The following BBS12 variants were observed in gnomAD, a reference collection of about 807,000 sequenced individuals.
BBS12 encodes Bardet-Biedl syndrome 12.
A neutral mutation model predicts 5.6 loss-of-function variants in BBS12; 5 were observed. The ratio of observed to expected loss-of-function variants is 0.89; its 90% CI spans 0.46 to 1.86. BBS12 has a LOEUF of 1.86. BBS12 is among the 40% of genes most tolerant of loss of function. The pLI is 0.01. For synonymous variants in BBS12, 308 were observed against 306.8 expected (o/e 1.00, Z -0.04); for missense variants, 748 against 830.4 (o/e 0.90, Z 1.22).
chr4:122,707,377 A>C, the BBS12 span, among the ~76,000 whole-genome samples: 1 of 152,174 alleles, frequency 6.6e-6, no homozygotes, highest in East Asian at 1.9e-4. Context: ...ATTTAATAAA[A>C]TTTTTTAAAC....
intron 1 of BBS12, among the ~76,000 whole-genome samples, chr4:122,735,870 G>T (rs1238192076): frequency 6.6e-6 from 1 of 152,144 alleles, no homozygotes; most frequent in Non-Finnish European, 1.5e-5. Flanking sequence ...GAAAAAGAAA[G>T]TATAACAGAT....
intron 1 of BBS12, among the ~76,000 whole-genome samples, chr4:122,735,405 T>C (rs535056035): frequency 7.4e-4 from 113 of 152,306 alleles, no homozygotes; most frequent in African/African-American, 2.5e-3. Context: ...GTAAAGACTT[T>C]CTTTTTTAAG....
At chr4:122,718,551 C>G in the BBS12 span, among the ~76,000 whole-genome samples, 367 of 152,182 alleles carry the variant, frequency 2.4e-3, 3 homozygotes, top group African/African-American at 8.5e-3. Flanking sequence ...ACTCTACTCT[C>G]AACAGGACTT....
chr4:122,716,666 CATAT>C, the BBS12 span, among the ~76,000 whole-genome samples: 19,465 of 115,788 alleles, frequency 0.17, 2,719 homozygotes, highest in East Asian at 0.52. Flanking sequence ...TGCACATACA[CATAT>C]GTGTATATAT....
rs373652329 is a variant in BBS12 at position 122,743,282 on chromosome 4, T to C, written c.1390T>C (p.Cys464Arg). The C allele has an allele frequency of 1.2e-5, 19 of 1,614,084 alleles. No individual in the cohort carries two copies. In the Admixed American group the frequency reaches 3.2e-4, roughly 27 times the overall value. ...VAYITQVNED[C>R]VGDGVCVTFW... ...CTACATTACACAAGTGAATGAAGAT[T>C]GTGTGGGCGACGGGGTCTGCGTGAC... The change falls in exon 2 of 2, where the codon TGT becomes CGT. Residue 464 changes from cysteine to arginine, a missense_variant. Physicochemically the swap from Cys to Arg is radical, Grantham distance 180 (BLOSUM62 -3). Transcript: ENST00000314218.
intron 1 of BBS12, 125 bp downstream of exon 1, chr4:122,733,009 T>G (rs28465655): frequency 0.066 from 10,033 of 152,384 alleles, 1,124 homozygotes; most frequent in African/African-American, 0.22. Flanking sequence ...GGCCTGGAGG[T>G]CCTGGGGTGA....
chr4:122,723,307 A>T, the BBS12 span, among the ~76,000 whole-genome samples: 1 of 152,224 alleles, frequency 6.6e-6, no homozygotes, highest in Non-Finnish European at 1.5e-5. Context: ...TCTCTGAAAG[A>T]ATTAAAAATG....
the BBS12 span, among the ~76,000 whole-genome samples, chr4:122,708,331 A>G: frequency 6.6e-6 from 1 of 152,100 alleles, no homozygotes; most frequent in Non-Finnish European, 1.5e-5. Flanking sequence ...ACTTTTGGCC[A>G]CTTCATGAGC....
rs186713451 is a variant in BBS12 at position 122,743,908 on chromosome 4, G to A, written c.2016G>A (p.Ala672=). ...ACGTTGTTACACCAAAGATTGAGGC[G>A]TGGCGCCGAGCATTGGATTTAGTAT... is the stretch of plus-strand genomic sequence containing the variant. ...VYDVVTPKIE[A]WRRALDLVLL... Residue 672 remains alanine, a synonymous_variant, in exon 2 of 2, where the codon GCG becomes GCA. Coordinates refer to ENST00000314218, the MANE Select transcript of BBS12 (RefSeq NM_152618.3). 1.5e-5 allele frequency: 24 copies of A among 1,606,120 alleles called. No homozygotes were observed. Among genetic ancestry groups the A allele is most frequent in the Middle Eastern group, 1.7e-4 (1 of 6,014 alleles).
intron 1 of BBS12, among the ~76,000 whole-genome samples, chr4:122,735,827 A>G (rs1164258802): frequency 1.3e-5 from 2 of 152,220 alleles, no homozygotes; most frequent in African/African-American, 2.4e-5. Context: ...TAAGTAAACT[A>G]TATCCTATTT....
At chr4:122,708,034 C>G in the BBS12 span, among the ~76,000 whole-genome samples, 1 of 133,438 alleles carries the variant, frequency 7.5e-6, no homozygotes, top group East Asian at 2.2e-4. Context: ...TTTTTGTTTA[C>G]AAGGTCCTGC....
In BBS12 at chr4:122,742,834, A is replaced by G. The variant is rs1800904511; in HGVS notation, c.942A>G (p.Arg314=). Residue 314 remains arginine (R), a synonymous_variant, in exon 2 of 2, where the codon AGA becomes AGG. Coordinates refer to ENST00000314218, the MANE Select transcript of BBS12 (RefSeq NM_152618.3). ...CTKPFMFDIS[R]IFTCCLPGLP... is the part of the protein sequence containing the mutation. ...AACCATTTATGTTTGACATTTCAAG[A>G]ATTTTCACTTGCTGTCTACCAGGCT... is the stretch of plus-strand genomic sequence containing the variant. The G allele has an allele frequency of 1.9e-6, 3 of 1,614,076 alleles. No individual in the cohort carries two copies. The highest frequency in any genetic ancestry group is 3.3e-5 in the Admixed American group (2 of 60,012).
At chr4:122,739,938 A>G (rs1395900061) in intron 1 of BBS12, among the ~76,000 whole-genome samples, 4 of 152,218 alleles carry the variant, frequency 2.6e-5, no homozygotes, top group Admixed American at 6.5e-5. Flanking sequence ...TCTTTAAGTG[A>G]ATGAAGACTT....
At chr4:122,705,711 G>A in the BBS12 span, among the ~76,000 whole-genome samples, 2 of 152,172 alleles carry the variant, frequency 1.3e-5, no homozygotes, top group Admixed American at 1.3e-4. Context: ...TCCAGTCATT[G>A]CTGACAAAGC....
At chr4:122,707,859 T>G in the BBS12 span, among the ~76,000 whole-genome samples, 5 of 152,156 alleles carry the variant, frequency 3.3e-5, no homozygotes, top group African/African-American at 1.2e-4. Flanking sequence ...GAATTTGATC[T>G]TAGCTCCACG....
At chr4:122,714,963 T>C in the BBS12 span, among the ~76,000 whole-genome samples, 1 of 152,098 alleles carries the variant, frequency 6.6e-6, no homozygotes, top group Admixed American at 6.6e-5. Context: ...ATTTTGGCTA[T>C]TTTAATTAGT....
chr4:122,741,788 C>A, intron 1 of BBS12, 95 bp from the exon 2 acceptor site: 1 of 1,042,868 alleles, frequency 9.6e-7, no homozygotes, highest in Non-Finnish European at 1.4e-6. Context: ...ATATGTACCT[C>A]AAAAGCAGGG....
In BBS12 at chr4:122,742,610, A is replaced by G; in HGVS notation, c.718A>G (p.Thr240Ala). The change falls in exon 2 of 2, where the codon ACA becomes GCA. Residue 240 changes from threonine to alanine, a missense_variant. Coordinates refer to ENST00000314218, the MANE Select transcript of BBS12 (RefSeq NM_152618.3). ...AATCCACAGTAGGCATTTTAATAGGACAGATAATACTGAAGGGGTAAGCAA... is the reference window on the plus strand; with the variant it reads ...AATCCACAGTAGGCATTTTAATAGGGCAGATAATACTGAAGGGGTAAGCAA... ...ILIHSRHFNR[T>A]DNTEGVSKPD... 6.2e-7 allele frequency: 1 copy of G among 1,614,230 alleles called. No individual in the cohort carries two copies. Among genetic ancestry groups the G allele is most frequent in the African/African-American group, 1.3e-5 (1 of 75,066 alleles).
intron 1 of BBS12, among the ~76,000 whole-genome samples, chr4:122,733,435 T>C (rs1355699215): frequency 7.6e-6 from 1 of 131,456 alleles, no homozygotes; most frequent in African/African-American, 2.9e-5. Flanking sequence ...ATCCAGCCAT[T>C]TCCTTGGCCC....
Sources: gnomAD v4.1 joint callset for allele counts (sites outside exome capture counted in the v4.1 genomes callset) on GRCh38, gnomAD v4.1.1 for gene constraint, MANE v1.5 for transcripts, NCBI Gene and HGNC (gene_info 2026-07-23, HGNC 2026-07-21) for gene names.